ZNF831: variants seen among roughly 807,000 people sequenced by gnomAD.
The protein encoded by ZNF831 is chromosome 20 open reading frame 174.
ZNF831 carries 59 observed loss-of-function variants against 95.8 expected under a neutral mutation model. The observed-to-expected ratio is 0.62, with a 90% CI of 0.50 to 0.77. The LOEUF is 0.77. Ranked by LOEUF, ZNF831 falls within the 30% of genes least tolerant of loss-of-function variation. The pLI is 0.00. For missense variants in ZNF831, 2,205 were observed against 2,164.0 expected (o/e 1.02, Z -0.38); for synonymous variants, 961 against 925.5 (o/e 1.04, Z -0.70).
At chr20:59,166,176 A>G (rs1319948731) in intron 1 of ZNF831, among the ~76,000 whole-genome samples, 1 of 152,180 alleles carries the variant, frequency 6.6e-6, no homozygotes, top group African/African-American at 2.4e-5. Flanking sequence ...AAGTGAGTTG[A>G]TATAAAGAAA....
intron 1 of ZNF831, among the ~76,000 whole-genome samples, chr20:59,131,453 C>T (rs1568720783): frequency 6.6e-6 from 1 of 152,178 alleles, no homozygotes; most frequent in Non-Finnish European, 1.5e-5. Flanking sequence ...TCACCTCTGA[C>T]TTGACAGAGG....
rs141020303 is a variant in ZNF831 at position 59,140,756 on chromosome 20, A to G, written c.-1424-5475A>G. The stretch of plus-strand genomic sequence containing the variant: ...GTCATTTTTAATTTTAGCCATTTTG[A>G]TAAGTGTGCAGTGATATCTTATCAT... On this transcript the variant is annotated intron_variant, in intron 1 of 7. Coordinates refer to the ZNF831 transcript ENST00000637017. Among the ~76,000 whole-genome samples the G allele has an allele frequency of 6.8e-4, 103 of 152,234 alleles. 1 individual carries two copies. The highest frequency in any genetic ancestry group is 2.1e-3 in the African/African-American group (86 of 41,530).
In ZNF831 at chr20:59,217,547, A is replaced by G. The variant is rs1370761006; in HGVS notation, c.4027+10491A>G. On this transcript the variant is annotated intron_variant, in intron 4 of 5. Coordinates refer to ENST00000371030, the MANE Select transcript of ZNF831 (RefSeq NM_178457.3). The surrounding 1 kb of genome is among the most constrained non-coding windows in gnomAD (Gnocchi z 4.4). ...ATTTTCAAATTGCTTCCCAGTTTAT[A>G]CCCCTACCAGTAGCATATTAAATAC... Among the ~76,000 whole-genome samples the G allele has an allele frequency of 6.6e-6, 1 of 152,022 alleles. No homozygotes were observed. The highest frequency in any genetic ancestry group is 1.5e-5 in the Non-Finnish European group (1 of 68,004).
At chr20:59,152,501 T>C (rs1319717583) in intron 2 of ZNF831, among the ~76,000 whole-genome samples, 2 of 152,130 alleles carry the variant, frequency 1.3e-5, no homozygotes, top group African/African-American at 4.8e-5. Context: ...GGTGCACGCA[T>C]CCATCCGTGC....
intron 5 of ZNF831, 61 bp from the exon 6 acceptor site, chr20:59,253,836 AT>A: frequency 2.7e-6 from 4 of 1,486,168 alleles, no homozygotes; most frequent in Non-Finnish European, 2.7e-6. Flanking sequence ...TTCTGACCAC[AT>A]TTTTCTTTGT....
chr20:59,145,399 C>A (rs991876913), intron 1 of ZNF831, among the ~76,000 whole-genome samples: 3 of 152,162 alleles, frequency 2.0e-5, no homozygotes, highest in African/African-American at 7.2e-5. Flanking sequence ...AAACAAGATT[C>A]TTTATTGCAG....
chr20:59,179,573 C>T (rs1415148979), intron 1 of ZNF831, among the ~76,000 whole-genome samples: 1 of 152,124 alleles, frequency 6.6e-6, no homozygotes, highest in Non-Finnish European at 1.5e-5. Context: ...GAGGGTCCTT[C>T]CTGGCCTCTT....
intron 4 of ZNF831, among the ~76,000 whole-genome samples, chr20:59,252,330 C>T (rs896607286): frequency 6.7e-6 from 1 of 150,108 alleles, no homozygotes; most frequent in Admixed American, 6.7e-5. Flanking sequence ...GATCTCATAT[C>T]ATGATGGAAC....
intron 4 of ZNF831, among the ~76,000 whole-genome samples, chr20:59,209,642 G>C (rs569326241): frequency 2.0e-5 from 3 of 152,346 alleles, no homozygotes; most frequent in African/African-American, 7.2e-5. Flanking sequence ...TTGCCACAAA[G>C]GTGGTGGCTT....
At position 59,191,867 on chromosome 20, in the gene ZNF831, C is replaced by A. The variant is rs1983569758; in HGVS notation, c.848C>A (p.Ala283Asp). 6.2e-7 allele frequency: 1 copy of A among 1,613,136 alleles called. No individual in the cohort carries two copies. Among genetic ancestry groups the A allele is most frequent in the Non-Finnish European group, 8.5e-7 (1 of 1,179,964 alleles). Reference sequence around the variant, plus strand: ...GACAGAGAGGCTCCTTGGGACTCTGCCCCCATGGCGTCACCTGGGCTCCCA... The same window carrying A: ...GACAGAGAGGCTCCTTGGGACTCTGACCCCATGGCGTCACCTGGGCTCCCA... Reference protein sequence around the residue: ...FADREAPWDSAPMASPGLPAA... With the variant: ...FADREAPWDSDPMASPGLPAA... The change falls in exon 2 of 6, where the codon GCC becomes GAC. Residue 283 changes from alanine to aspartate, a missense_variant. Transcript: ENST00000371030.
chr20:59,137,258 T>TTTAATTAGTTATA (rs1365561222), intron 1 of ZNF831, among the ~76,000 whole-genome samples: 1 of 144,194 alleles, frequency 6.9e-6, no homozygotes, highest in Non-Finnish European at 1.5e-5. Context: ...CTAATATGCC[T>TTTAATTAGTTATA]TTAATATGCT....
At chr20:59,129,357 T>A (rs1352411246) in intron 1 of ZNF831, among the ~76,000 whole-genome samples, 1 of 152,136 alleles carries the variant, frequency 6.6e-6, no homozygotes, top group Non-Finnish European at 1.5e-5. Context: ...CCTGGTGTGG[T>A]GGCTCACGCC....
intron 1 of ZNF831, among the ~76,000 whole-genome samples, chr20:59,174,301 AG>A (rs752210838): frequency 6.6e-5 from 10 of 152,110 alleles, no homozygotes; most frequent in Non-Finnish European, 1.5e-4. Flanking sequence ...CTGCACAGGG[AG>A]CACTTTTGCA....
intron 4 of ZNF831, among the ~76,000 whole-genome samples, chr20:59,209,601 T>C (rs1985150796): frequency 6.6e-6 from 1 of 152,226 alleles, no homozygotes; most frequent in South Asian, 2.1e-4. Flanking sequence ...GGGTGTCACC[T>C]GTATCAGTTT....
intron 4 of ZNF831, among the ~76,000 whole-genome samples, chr20:59,233,619 T>C (rs1347159928): frequency 6.6e-6 from 1 of 152,202 alleles, no homozygotes; most frequent in African/African-American, 2.4e-5. Flanking sequence ...CAAGTGGCCA[T>C]CCAACCTCTT....
chr20:59,129,661 C>T (rs539344454), intron 1 of ZNF831, among the ~76,000 whole-genome samples: 71 of 152,220 alleles, frequency 4.7e-4, no homozygotes, highest in African/African-American at 1.5e-3. Context: ...ACTGTGTAGC[C>T]CCGTGAAGTT....
chr20:59,228,071 AT>A (rs1986526091), intron 4 of ZNF831, among the ~76,000 whole-genome samples: 1 of 152,198 alleles, frequency 6.6e-6, no homozygotes, highest in Non-Finnish European at 1.5e-5. Context: ...TAACATATGC[AT>A]GTTATATATC....
Position 59,193,202 on chromosome 20 carries a change from C to T in ZNF831, c.2183C>T (p.Ala728Val), listed in dbSNP as rs2146578805. The change falls in exon 2 of 6, where the codon GCT (alanine) becomes GTT (valine). Residue 728 changes from alanine to valine, a missense_variant. Ala to Val is a moderately conservative substitution (Grantham distance 64). Transcript: ENST00000371030. Reference sequence around the variant, plus strand: ...AGTGACCGACCCAGGGTGGAAGAGGCTGTGTCATCCCCTGCACTGGGTGGC... The same window carrying T: ...AGTGACCGACCCAGGGTGGAAGAGGTTGTGTCATCCCCTGCACTGGGTGGC... ...GDSDRPRVEE[A>V]VSSPALGGRD... 1.9e-6 allele frequency: 3 copies of T among 1,583,440 alleles called. No individual in the cohort carries two copies. Among genetic ancestry groups the T allele is most frequent in the Middle Eastern group, 1.7e-4 (1 of 6,018 alleles).
chr20:59,196,150 C>T, intron 3 of ZNF831, 145 bp downstream of exon 3: 1 of 1,180,142 alleles, frequency 8.5e-7, no homozygotes, highest in Non-Finnish European at 1.2e-6. Flanking sequence ...GAATTTGTTT[C>T]CCACCCCTTG....
Sources: allele counts gnomAD v4.1 joint callset (sites outside exome capture counted in the v4.1 genomes callset), GRCh38; gene constraint gnomAD v4.1.1; non-coding constraint Gnocchi (gnomAD v3.1); transcripts MANE v1.5; gene names NCBI Gene and HGNC (gene_info 2026-07-23, HGNC 2026-07-21).